Variants in PDE8A observed in about 807,000 individuals in gnomAD.
The protein encoded by PDE8A is high affinity cAMP-specific and IBMX-insensitive 3',5'-cyclic phosphodiesterase 8A.
PDE8A carries 59 observed loss-of-function variants against 105.0 expected under a neutral mutation model. The observed-to-expected ratio is 0.56, with a 90% CI of 0.46 to 0.70. The LOEUF (loss-of-function observed/expected upper bound fraction) is 0.70. Ranked by LOEUF, PDE8A falls within the 30% of genes least tolerant of loss-of-function variation. The pLI is 0.00. For synonymous variants in PDE8A, 355 were observed against 371.9 expected (o/e 0.95, Z 0.52); for missense variants, 1,014 against 1,045.9 (o/e 0.97, Z 0.42).
At chr15:85,104,281 TG>T (rs2081913987) in intron 11 of PDE8A, among the ~76,000 whole-genome samples, 3 of 152,036 alleles carry the variant, frequency 2.0e-5, no homozygotes, top group African/African-American at 7.2e-5. Context: ...TTCCCAGCAA[TG>T]ATGATGATGA....
chr15:84,989,243 AG>A (rs2079849382), intron 1 of PDE8A, among the ~76,000 whole-genome samples: 1 of 152,236 alleles, frequency 6.6e-6, no homozygotes, highest in Non-Finnish European at 1.5e-5. Flanking sequence ...CCACACAGGA[AG>A]GATGTTGCAG....
chr15:84,987,100 T>C (rs1347142815), intron 1 of PDE8A, among the ~76,000 whole-genome samples: 1 of 152,250 alleles, frequency 6.6e-6, no homozygotes, highest in Admixed American at 6.5e-5. Flanking sequence ...AGTAAGTGAC[T>C]ACAGTTTATC....
intron 20 of PDE8A, among the ~76,000 whole-genome samples, chr15:85,128,149 G>A (rs891304347): frequency 5.3e-5 from 8 of 150,734 alleles, no homozygotes; most frequent in African/African-American, 1.2e-4. Flanking sequence ...AAAGCTTTTA[G>A]AGAGAAACAT....
At chr15:84,993,214 C>T (rs529291209) in intron 1 of PDE8A, among the ~76,000 whole-genome samples, 101 of 150,482 alleles carry the variant, frequency 6.7e-4, no homozygotes, top group Admixed American at 3.0e-3. Flanking sequence ...GAGGCCAAGG[C>T]GGGCGGATCA....
At chr15:85,113,548 A>T in intron 13 of PDE8A, 101 bp downstream of exon 13, 1 of 1,021,368 alleles carries the variant, frequency 9.8e-7, no homozygotes, top group Non-Finnish European at 1.6e-6. Context: ...AGTAATGAGC[A>T]TGCTGTCATA....
At chr15:85,018,612 A>G (rs1171407716) in intron 1 of PDE8A, among the ~76,000 whole-genome samples, 1 of 152,204 alleles carries the variant, frequency 6.6e-6, no homozygotes, top group Non-Finnish European at 1.5e-5. Context: ...TTATGTGTAT[A>G]TATCTTATGC....
At chr15:84,999,884 T>C (rs1030553057) in intron 1 of PDE8A, among the ~76,000 whole-genome samples, 1 of 152,192 alleles carries the variant, frequency 6.6e-6, no homozygotes, top group Admixed American at 6.5e-5. Context: ...GGCCTCCCTT[T>C]TAAGATGATA....
chr15:85,085,628 T>G (rs919281124), intron 6 of PDE8A, among the ~76,000 whole-genome samples: 3 of 151,048 alleles, frequency 2.0e-5, no homozygotes, highest in Admixed American at 6.6e-5. Context: ...TGAGCTGAGA[T>G]CGTGCCATTG....
rs368348788 is a variant in PDE8A at position 85,089,358 on chromosome 15, C to G, written c.656C>G (p.Thr219Ser). The G allele has an allele frequency of 3.6e-5, 57 of 1,585,042 alleles. No individual in the cohort carries two copies. Among genetic ancestry groups the G allele is most frequent in the Non-Finnish European group, 4.8e-5 (55 of 1,156,056 alleles). ...LKLRACNSVF[T>S]ALENSEDAIE... Reference sequence around the variant, plus strand: ...TAAAGGGCTTGTAACTCAGTATTCACTGCATTAGAAAACAGTGAAGATGCA... The same window carrying G: ...TAAAGGGCTTGTAACTCAGTATTCAGTGCATTAGAAAACAGTGAAGATGCA... The change falls in exon 7 of 22, where the codon ACT (threonine) becomes AGT (serine). Residue 219 changes from threonine (T) to serine (S), a missense_variant. Thr to Ser is a moderately conservative substitution (Grantham distance 58, BLOSUM62 1). Transcript: ENST00000394553.
At chr15:85,133,281 T>C (rs921377357) in intron 20 of PDE8A, among the ~76,000 whole-genome samples, 5 of 152,192 alleles carry the variant, frequency 3.3e-5, no homozygotes, top group African/African-American at 1.2e-4. Context: ...GCATCCATAT[T>C]GGTCATCCCC....
intron 3 of PDE8A, among the ~76,000 whole-genome samples, chr15:85,070,505 G>A (rs2081295368): frequency 6.6e-6 from 1 of 152,208 alleles, no homozygotes; most frequent in African/African-American, 2.4e-5. Flanking sequence ...GTGGGTGCCT[G>A]TGTCAAAGAG....
At chr15:85,054,752 A>G (rs1407816184) in intron 1 of PDE8A, among the ~76,000 whole-genome samples, 2 of 152,138 alleles carry the variant, frequency 1.3e-5, no homozygotes, top group East Asian at 3.8e-4. Flanking sequence ...TGATCTTTTC[A>G]AACAACCAGC....
chr15:85,054,357 T>C (rs1280430345), intron 1 of PDE8A, among the ~76,000 whole-genome samples: 1 of 152,226 alleles, frequency 6.6e-6, no homozygotes, highest in African/African-American at 2.4e-5. Context: ...GAGGATTCCC[T>C]CTTTTTCTAT....
intron 1 of PDE8A, among the ~76,000 whole-genome samples, chr15:84,999,533 A>G (rs1472452475): frequency 1.3e-5 from 2 of 151,562 alleles, no homozygotes; most frequent in Non-Finnish European, 2.9e-5. Context: ...GATGATGAAT[A>G]AGACATGGCC....
At chr15:85,128,555 A>C (rs1188995732) in intron 20 of PDE8A, among the ~76,000 whole-genome samples, 1 of 152,214 alleles carries the variant, frequency 6.6e-6, no homozygotes, top group African/African-American at 2.4e-5. Flanking sequence ...ACTTCTTCAA[A>C]ATTTACAAAG....
intron 1 of PDE8A, among the ~76,000 whole-genome samples, chr15:85,040,841 G>C (rs1345410899): frequency 6.6e-6 from 1 of 152,186 alleles, no homozygotes; most frequent in Non-Finnish European, 1.5e-5. Context: ...TTACAGGCGT[G>C]AACCACCACA....
In PDE8A at chr15:85,113,435, G is replaced by T; in HGVS notation, c.1173G>T (p.Ala391=). 1 of 1,613,792 alleles carries T rather than the reference G, an allele frequency of 6.2e-7. No homozygotes were observed. The highest frequency in any genetic ancestry group is 8.5e-7 in the Non-Finnish European group (1 of 1,179,712). ...MARIHSMTIE[A]PITKVINIIN... Reference sequence around the variant, plus strand: ...GGATACATTCCATGACAATTGAGGCGCCCATCACCAAGGTGAAGCAGTTTG... The same window carrying T: ...GGATACATTCCATGACAATTGAGGCTCCCATCACCAAGGTGAAGCAGTTTG... Residue 391 remains alanine (A), a synonymous_variant, in exon 13 of 22, where the codon GCG becomes GCT. Coordinates refer to ENST00000394553, the MANE Select transcript of PDE8A (RefSeq NM_002605.3).
rs2082443352 is a variant in PDE8A, at chr15:85,138,212, T to G, written c.*309T>G. On this transcript the variant is annotated 3_prime_UTR_variant, in exon 22 of 22. Transcript: ENST00000394553. ...GGAGTGCCCCTGCAAAGGGTATTGA[T>G]GGACTTCCTGCCAGTGACAGAGCAT... 3.9e-6 allele frequency: 1 copy of G among 253,358 alleles called. No individual in the cohort carries two copies. The highest frequency in any genetic ancestry group is 7.6e-6 in the Non-Finnish European group (1 of 132,090). 15.7% of individuals were successfully genotyped at this position (253,358 alleles called of 1,614,324 possible).
At chr15:85,113,793 T>A (rs1182569775) in intron 13 of PDE8A, 80 bp from the exon 14 acceptor site, 3 of 1,107,010 alleles carry the variant, frequency 2.7e-6, no homozygotes, top group Admixed American at 2.0e-5. Context: ...TAGCTGGAAT[T>A]ACAGACACGT....
Sources: gnomAD v4.1 joint callset for allele counts (sites outside exome capture counted in the v4.1 genomes callset) on GRCh38, gnomAD v4.1.1 for gene constraint, MANE v1.5 for transcripts, NCBI Gene and HGNC (gene_info 2026-07-23, HGNC 2026-07-21) for gene names.